ERC2: variants seen among roughly 807,000 people sequenced by gnomAD.
ERC2 encodes ERC protein 2.
ERC2 carries 42 observed loss-of-function variants against 114.8 expected under a neutral mutation model. The observed-to-expected ratio is 0.37, with a 90% CI of 0.29 to 0.47. ERC2 has a LOEUF of 0.47. ERC2 is among the 20% of genes least tolerant of loss of function. The pLI is 0.99. For synonymous variants in ERC2, 454 were observed against 425.5 expected, an observed-to-expected ratio of 1.07 and a Z score of -0.82; for missense variants, 939 against 1,150.7, an observed-to-expected ratio of 0.82 and a Z score of 2.66.
chr3:55,750,328 A>G (rs1443884672), intron 14 of ERC2, among the ~76,000 whole-genome samples: 1 of 152,216 alleles, frequency 6.6e-6, no homozygotes, highest in African/African-American at 2.4e-5. Flanking sequence ...TAGTCTGCTC[A>G]AAATAGCCTT....
chr3:56,343,323 A>G (rs1242344883), intron 2 of ERC2, among the ~76,000 whole-genome samples: 1 of 152,018 alleles, frequency 6.6e-6, no homozygotes, highest in Non-Finnish European at 1.5e-5. Flanking sequence ...AGTCCTGCTT[A>G]CCATTGTGTC....
chr3:55,615,642 GA>G (rs888711854), intron 17 of ERC2, among the ~76,000 whole-genome samples: 1 of 151,822 alleles, frequency 6.6e-6, no homozygotes, highest in South Asian at 2.1e-4. Flanking sequence ...ACTGTAAGGA[GA>G]AAAAAAATAC....
At chr3:56,124,941 C>CT (rs1272569359) in intron 6 of ERC2, among the ~76,000 whole-genome samples, 1 of 152,138 alleles carries the variant, frequency 6.6e-6, no homozygotes, top group Non-Finnish European at 1.5e-5. Context: ...GCATCCTTAT[C>CT]TTTTTTTGCT....
At position 55,832,112 on chromosome 3, in the gene ERC2, C is replaced by A. The variant is rs183352113; in HGVS notation, c.2564+56277G>T. Among the ~76,000 whole-genome samples the A allele has an allele frequency of 7.8e-3, 1,188 of 152,360 alleles. 4 individuals are homozygous for A. The highest frequency in any genetic ancestry group is 0.02 in the Middle Eastern group (6 of 294). ...AAACAAAGCAGCCTGGAGGCTCGAA[C>A]TGGGTGGAGCCCACCACAACTCAAG... On this transcript the variant is annotated intron_variant, in intron 14 of 17. Coordinates refer to ENST00000288221, the MANE Select transcript of ERC2 (RefSeq NM_015576.3).
chr3:55,760,526 G>T (rs1443379971), intron 14 of ERC2, among the ~76,000 whole-genome samples: 1 of 152,180 alleles, frequency 6.6e-6, no homozygotes, highest in African/African-American at 2.4e-5. Flanking sequence ...CATTATTAAA[G>T]AATTTTCACA....
At chr3:56,348,895 GGAAGGAAGGAAA>G (rs1244545486) in intron 2 of ERC2, among the ~76,000 whole-genome samples, 1,188 of 33,432 alleles carry the variant, frequency 0.036, 29 homozygotes, top group Middle Eastern at 0.059. Flanking sequence ...AAGGAAGGAA[GGAAGGAAGGAAA>G]GAAGGAAGGA....
At chr3:56,148,904 G>C in intron 5 of ERC2, 73 bp downstream of exon 5, 2 of 1,382,118 alleles carry the variant, frequency 1.4e-6, no homozygotes, top group African/African-American at 2.9e-5. Context: ...GGAGTATTTG[G>C]AAAAAGTATG....
At chr3:55,999,063 T>A (rs995271290) in intron 10 of ERC2, among the ~76,000 whole-genome samples, 3 of 152,156 alleles carry the variant, frequency 2.0e-5, no homozygotes, top group African/African-American at 7.2e-5. Flanking sequence ...TTATTAAAAT[T>A]TTTTGAAAGA....
At chr3:55,543,899 C>A (rs577749726) in intron 17 of ERC2, among the ~76,000 whole-genome samples, 1 of 152,310 alleles carries the variant, frequency 6.6e-6, no homozygotes, top group East Asian at 1.9e-4. Context: ...CTCCACCTCC[C>A]CACGATCCTC....
intron 6 of ERC2, among the ~76,000 whole-genome samples, chr3:56,105,960 G>A (rs182001709): frequency 7.9e-5 from 12 of 152,260 alleles, no homozygotes; most frequent in Admixed American, 7.2e-4. Flanking sequence ...ATGGGTAGAG[G>A]ATCTAAACTT....
At chr3:55,841,726 G>T (rs2061143158) in intron 14 of ERC2, among the ~76,000 whole-genome samples, 2 of 147,598 alleles carry the variant, frequency 1.4e-5, no homozygotes, top group African/African-American at 5.3e-5. Context: ...TTTGCCTAAG[G>T]TCACAACATT....
chr3:56,352,053 G>A (rs1419377161), intron 2 of ERC2, among the ~76,000 whole-genome samples: 2 of 152,148 alleles, frequency 1.3e-5, no homozygotes, highest in African/African-American at 2.4e-5. Context: ...ACCAGGGACA[G>A]GGTTTTGCAT....
intron 3 of ERC2, among the ~76,000 whole-genome samples, chr3:56,269,637 T>A (rs2053533176): frequency 6.6e-6 from 1 of 152,088 alleles, no homozygotes; most frequent in South Asian, 2.1e-4. Context: ...TGAGACCACT[T>A]AGGAAGGAAG....
At chr3:55,982,529 C>CTGT (rs1400527412) in intron 12 of ERC2, among the ~76,000 whole-genome samples, 1 of 151,902 alleles carries the variant, frequency 6.6e-6, no homozygotes. Flanking sequence ...AAATGTATTA[C>CTGT]TGTTGCTGCT....
At chr3:56,347,278 T>C (rs554332860) in intron 2 of ERC2, among the ~76,000 whole-genome samples, 1 of 152,280 alleles carries the variant, frequency 6.6e-6, no homozygotes, top group South Asian at 2.1e-4. Context: ...ATTAAGCTAC[T>C]GTCTCCCAGC....
chr3:56,124,166 T>C (rs913391026), intron 6 of ERC2, among the ~76,000 whole-genome samples: 1 of 152,354 alleles, frequency 6.6e-6, no homozygotes, highest in Admixed American at 6.5e-5. Flanking sequence ...CTTAATGATA[T>C]ATAAGACTTC....
intron 17 of ERC2, among the ~76,000 whole-genome samples, chr3:55,616,149 G>GC (rs2059115712): frequency 6.6e-6 from 1 of 152,142 alleles, no homozygotes; most frequent in Non-Finnish European, 1.5e-5. Flanking sequence ...GCAGACGCTG[G>GC]CAAGACACTA....
intron 6 of ERC2, among the ~76,000 whole-genome samples, chr3:56,088,794 T>C (rs1312266746): frequency 2.0e-5 from 3 of 152,332 alleles, no homozygotes; most frequent in African/African-American, 2.4e-5. Flanking sequence ...TTGAGTTATT[T>C]TGAGTATTAA....
intron 12 of ERC2, among the ~76,000 whole-genome samples, chr3:55,954,308 AG>A (rs1376437132): frequency 6.6e-6 from 1 of 152,184 alleles, no homozygotes; most frequent in Non-Finnish European, 1.5e-5. Flanking sequence ...TTCAAAATTC[AG>A]TTGCCATCAA....
Sources: allele counts gnomAD v4.1 joint callset (sites outside exome capture counted in the v4.1 genomes callset), GRCh38; gene constraint gnomAD v4.1.1; transcripts MANE v1.5; gene names NCBI Gene and HGNC (gene_info 2026-07-23, HGNC 2026-07-21).